TBXT: variants seen among roughly 807,000 people sequenced by gnomAD.
The protein encoded by TBXT is T-box transcription factor T.
In TBXT, 19 loss-of-function variants were observed where a neutral mutation model predicts 41.1. That is an observed-to-expected ratio of 0.46 (90% CI 0.32 to 0.68). The LOEUF is 0.68. TBXT is among the 30% of genes least tolerant of loss of function. TBXT has a pLI of 0.03. For synonymous variants in TBXT, 213 were observed against 238.9 expected (o/e 0.89, Z 1.00); for missense variants, 536 against 582.0 (o/e 0.92, Z 0.81).
Position 166,167,578 on chromosome 6 carries a change from C to A in TBXT, c.14G>T (p.Gly5Val). The A allele has an allele frequency of 6.4e-7, 1 of 1,565,024 alleles. No individual in the cohort carries two copies. Among genetic ancestry groups the A allele is most frequent in the Non-Finnish European group, 8.6e-7 (1 of 1,161,174 alleles). Residue 5 changes from glycine to valine, a missense_variant, in exon 1 of 8, where the codon GGC becomes GTC. Coordinates refer to ENST00000366876, the MANE Select transcript of TBXT (RefSeq NM_001366285.2). MSSP[G>V]TESAGKSLQY... Reference sequence around the variant, plus strand: ...CAGGCTCTTTCCCGCGCTCTCGGTGCCAGGGGAGCTCATCCTCCCGTCCGG... The same window carrying A: ...CAGGCTCTTTCCCGCGCTCTCGGTGACAGGGGAGCTCATCCTCCCGTCCGG...
intron 7 of TBXT, among the ~76,000 whole-genome samples, chr6:166,160,301 A>C (rs192339030): frequency 1.3e-5 from 2 of 152,194 alleles, no homozygotes; most frequent in South Asian, 2.1e-4. Flanking sequence ...CCTAGCACAT[A>C]TATTAAAGAC....
intron 7 of TBXT, among the ~76,000 whole-genome samples, chr6:166,159,190 AAAAG>A (rs1410435872): frequency 7.2e-5 from 11 of 152,314 alleles, no homozygotes; most frequent in African/African-American, 2.4e-4. Context: ...CACAAAACAG[AAAAG>A]AAAGACTCAG....
intron 2 of TBXT, among the ~76,000 whole-genome samples, chr6:166,166,357 C>T (rs1674906766): frequency 6.6e-6 from 1 of 152,230 alleles, no homozygotes; most frequent in Non-Finnish European, 1.5e-5. Flanking sequence ...CGGAAGTTCC[C>T]CAAAAGCTCC....
chr6:166,160,970 AG>A lies in TBXT; in HGVS notation c.908-5del. ...GCAGGTGAGTTGTCAGAATAGGCTA[AG>A]GGGGGAAGGTAACAAAGTGCAATTA... On this transcript the variant is annotated splice_polypyrimidine_tract_variant and splice_region_variant and intron_variant, in intron 6 of 7. Transcript: ENST00000366876. 1.9e-6 allele frequency: 3 copies of A among 1,613,804 alleles called. No homozygotes were observed. The highest frequency in any genetic ancestry group is 2.5e-6 in the Non-Finnish European group (3 of 1,179,918).
upstream of TBXT, chr6:166,167,963 C>G (rs1779187861): frequency 5.8e-6 from 2 of 344,698 alleles, no homozygotes; most frequent in Non-Finnish European, 1.1e-5. Context: ...TCCCATTGGC[C>G]GAGAGCGGCC....
intron 2 of TBXT, among the ~76,000 whole-genome samples, chr6:166,166,064 A>G (rs1779100663): frequency 6.6e-6 from 1 of 152,234 alleles, no homozygotes; most frequent in Admixed American, 6.5e-5. Flanking sequence ...ATTAAAAGCA[A>G]TGAATGCTCA....
chr6:166,167,548 T>C lies in TBXT; in HGVS notation c.44A>G (p.Tyr15Cys). Residue 15 changes from tyrosine (Y) to cysteine (C), a missense_variant, in exon 1 of 8, where the codon TAC becomes TGC. By Grantham distance (194) the Tyr-to-Cys change is radical. Coordinates refer to ENST00000366876, the MANE Select transcript of TBXT (RefSeq NM_001366285.2). ...GGCGCTCAGCAGGTGGTCCACTCGG[T>C]ACTGCAGGCTCTTTCCCGCGCTCTC... is the stretch of plus-strand genomic sequence containing the variant. ...GTESAGKSLQ[Y>C]RVDHLLSAVE... The C allele has an allele frequency of 1.9e-6, 3 of 1,592,158 alleles. No homozygotes were observed. In the South Asian group the frequency reaches 3.4e-5, roughly 18 times the overall value.
In TBXT at chr6:166,157,969, C is replaced by G. The variant is rs2128520993; in HGVS notation, c.*346G>C. The G allele has an allele frequency of 2.5e-6, 1 of 392,924 alleles. No individual in the cohort carries two copies. The highest frequency in any genetic ancestry group is 2.0e-5 in the African/African-American group (1 of 49,168). 24.3% of individuals were successfully genotyped at this position (392,924 alleles called of 1,614,324 possible). A position where few individuals can be genotyped will look rare whatever the true frequency, so the allele number is the denominator to read the frequency against. On this transcript the variant is annotated 3_prime_UTR_variant, in exon 8 of 8. Coordinates refer to ENST00000366876, the MANE Select transcript of TBXT (RefSeq NM_001366285.2). ...GGTGGAGTTTACAAATTCTGGTGTG[C>G]CAAAGTTGCCAATACACTGTATGAG... is the stretch of plus-strand genomic sequence containing the variant.
At position 166,166,781 on chromosome 6, in the gene TBXT, G is replaced by T; in HGVS notation, c.282C>A (p.Phe94Leu). The change falls in exon 2 of 8, where the codon TTC (phenylalanine) becomes TTA (leucine). Residue 94 changes from phenylalanine (F) to leucine (L), a missense_variant. Transcript: ENST00000366876. ...PNAMYSFLLD[F>L]VAADNHRWKY... ...TCCAGCGGTGGTTGTCCGCCGCCAC[G>T]AAGTCCAGCAGGAAGGAGTACATGG... is the stretch of plus-strand genomic sequence containing the variant. 1 of 1,613,830 alleles carries T rather than the reference G, an allele frequency of 6.2e-7. No individual in the cohort carries two copies. The highest frequency in any genetic ancestry group is 8.5e-7 in the Non-Finnish European group (1 of 1,180,022).
intron 5 of TBXT, among the ~76,000 whole-genome samples, chr6:166,164,214 G>C (rs1276798262): frequency 6.6e-6 from 1 of 152,174 alleles, no homozygotes; most frequent in African/African-American, 2.4e-5. Flanking sequence ...GAAAAATTTG[G>C]TTCCTAAGCA....
chr6:166,166,233 A>T (rs1779105448), intron 2 of TBXT, among the ~76,000 whole-genome samples: 1 of 152,184 alleles, frequency 6.6e-6, no homozygotes. Flanking sequence ...ACGACTTTAC[A>T]AGTTTGTTCC....
Position 166,166,804 on chromosome 6 carries a change from T to G in TBXT, c.259A>C (p.Met87Leu), listed in dbSNP as rs951186526. 5 of 1,613,860 alleles carry G rather than the reference T, an allele frequency of 3.1e-6. No individual in the cohort carries two copies. The highest frequency in any genetic ancestry group is 1.6e-4 in the Middle Eastern group (1 of 6,062). Residue 87 changes from methionine to leucine, a missense_variant, in exon 2 of 8, where the codon ATG (methionine) becomes CTG (leucine). Coordinates refer to ENST00000366876, the MANE Select transcript of TBXT (RefSeq NM_001366285.2). ...VNVSGLDPNA[M>L]YSFLLDFVAA... The stretch of plus-strand genomic sequence containing the variant: ...ACGAAGTCCAGCAGGAAGGAGTACA[T>G]GGCGTTGGGGTCCAGGCCAGACACG...
At chr6:166,165,466 A>G (rs1779080572) in intron 3 of TBXT, among the ~76,000 whole-genome samples, 1 of 152,200 alleles carries the variant, frequency 6.6e-6, no homozygotes, top group Non-Finnish European at 1.5e-5. Context: ...AGCATTGAGA[A>G]GTTGTTTCTA....
At chr6:166,159,617 A>C (rs1305438714) in intron 7 of TBXT, among the ~76,000 whole-genome samples, 2 of 152,272 alleles carry the variant, frequency 1.3e-5, no homozygotes, top group African/African-American at 4.8e-5. Context: ...CTCCAGTCTA[A>C]GCACATGGAA....
intron 6 of TBXT, 80 bp downstream of exon 6, chr6:166,162,367 T>C (rs1298485063): frequency 3.3e-6 from 5 of 1,528,052 alleles, no homozygotes; most frequent in South Asian, 1.1e-5. Flanking sequence ...TTTTAGATTC[T>C]AGACTCCTGC....
chr6:166,161,881 C>G (rs997525835), intron 6 of TBXT, among the ~76,000 whole-genome samples: 1 of 152,194 alleles, frequency 6.6e-6, no homozygotes, highest in Non-Finnish European at 1.5e-5. Flanking sequence ...CGAGATCGTG[C>G]GACTGCACTC....
Position 166,157,899 on chromosome 6 carries a change from GGAA to G in TBXT, c.*413_*415del. The stretch of plus-strand genomic sequence containing the variant: ...AACTCTAACTACTTGAAAGCAACAA[GGAA>G]GAAGATTAAGAGTGTGCTTTTTATC... On this transcript the variant is annotated 3_prime_UTR_variant, in exon 8 of 8. Transcript: ENST00000366876. 3.4e-6 allele frequency: 1 copy of G among 290,984 alleles called. No individual in the cohort carries two copies. The highest frequency in any genetic ancestry group is 4.7e-5 in the Admixed American group (1 of 21,400). The allele number at this position is 290,984 out of a possible 1,614,324, so 18.0% of individuals were successfully genotyped here.
rs759687323 is a variant in TBXT at position 166,160,911 on chromosome 6, C to A, written c.963G>T (p.Trp321Cys). The change falls in exon 7 of 8, where the codon TGG becomes TGT. Residue 321 changes from tryptophan to cysteine, a missense_variant. Physicochemically the swap from Trp to Cys is radical, Grantham distance 215. Coordinates refer to ENST00000366876, the MANE Select transcript of TBXT (RefSeq NM_001366285.2). ...CLSMLQSHDN[W>C]SSLGMPAHPS... ...GATGGGCAGGCATTCCAAGGCTGGA[C>A]CAATTGTCATGGGATTGCAGCATGG... 2 of 1,614,012 alleles carry A rather than the reference C, an allele frequency of 1.2e-6. No individual in the cohort carries two copies. The highest frequency in any genetic ancestry group is 8.5e-7 in the Non-Finnish European group (1 of 1,179,990).
chr6:166,159,287 C>T (rs1365809405), intron 7 of TBXT, among the ~76,000 whole-genome samples: 1 of 152,214 alleles, frequency 6.6e-6, no homozygotes, highest in Admixed American at 6.5e-5. Flanking sequence ...CTTAAGTACA[C>T]ATGTTTTTAT....
Sources: allele counts gnomAD v4.1 joint callset (sites outside exome capture counted in the v4.1 genomes callset), GRCh38; gene constraint gnomAD v4.1.1; transcripts MANE v1.5; gene names NCBI Gene and HGNC (gene_info 2026-07-23, HGNC 2026-07-21).